SQOR: variants seen among roughly 807,000 people sequenced by gnomAD.
SQOR encodes sulfide quinone oxidoreductase, also known as sulfide:quinone oxidoreductase, mitochondrial.
In SQOR, 39 loss-of-function variants were observed where a neutral mutation model predicts 48.6. That is an observed-to-expected ratio of 0.80 (90% confidence interval 0.62 to 1.05). SQOR has a LOEUF of 1.05. SQOR is among the 50% of genes least tolerant of loss of function. The pLI is 0.00. For synonymous variants in SQOR, 220 were observed against 206.2 expected (o/e 1.07, Z -0.57); for missense variants, 561 against 559.9 (o/e 1.00, Z -0.02).
chr15:45,682,614 T>C lies in SQOR; in HGVS notation c.1001T>C (p.Ile334Thr), dbSNP rs1490998918. Residue 334 changes from isoleucine (I) to threonine (T), a missense_variant, in exon 7 of 10, where the codon ATT becomes ACT. Physicochemically the swap from Ile to Thr is moderately conservative, Grantham distance 89. Coordinates refer to ENST00000260324, the MANE Select transcript of SQOR (RefSeq NM_021199.4). ...AGGAGGTACCCAAATGTGTTTGGGA[T>C]TGGGGACTGCACCAACCTTCCTACG... ...QHRRYPNVFGIGDCTNLPTSK... is the reference protein window; with the variant it reads ...QHRRYPNVFGTGDCTNLPTSK... 7.4e-6 allele frequency: 12 copies of C among 1,614,026 alleles called. No homozygotes were observed. Among genetic ancestry groups the C allele is most frequent in the East Asian group, 2.2e-5 (1 of 44,898 alleles).
rs1487821764 is a variant in SQOR at position 45,669,933 on chromosome 15, C to T, written c.411C>T (p.Ser137=). The T allele has an allele frequency of 2.5e-6, 4 of 1,613,794 alleles. No homozygotes were observed. The highest frequency in any genetic ancestry group is 3.4e-6 in the Non-Finnish European group (4 of 1,179,818). ...AATGTCTTTTTGTGTTGCAGATCTC[C>T]TACCGATATCTTATTATTGCTCTCG... ...CIHTDDDEKI[S]YRYLIIALGI... The change falls in exon 4 of 10, where the codon TCC becomes TCT. Residue 137 remains serine, a synonymous_variant. Transcript: ENST00000260324.
chr15:45,689,950 C>T (rs1438582024), intron 9 of SQOR, among the ~76,000 whole-genome samples: 2 of 152,238 alleles, frequency 1.3e-5, no homozygotes, highest in South Asian at 2.1e-4. Context: ...TTAAATTTCT[C>T]ATCTGCAAAA....
intron 1 of SQOR, among the ~76,000 whole-genome samples, chr15:45,646,747 T>C (rs1200538523): frequency 6.6e-6 from 1 of 152,196 alleles, no homozygotes. Context: ...AATGCCCATA[T>C]ATATCCATCC....
intron 5 of SQOR, among the ~76,000 whole-genome samples, chr15:45,675,402 T>G (rs574592544): frequency 1.3e-5 from 2 of 151,754 alleles, no homozygotes; most frequent in South Asian, 2.1e-4. Context: ...TTTGTTTATT[T>G]TTTTTTTTTG....
chr15:45,641,713 CTCAT>C (rs1302616224), intron 1 of SQOR, among the ~76,000 whole-genome samples: 3 of 152,188 alleles, frequency 2.0e-5, no homozygotes, highest in African/African-American at 7.2e-5. Flanking sequence ...CGGAACAACA[CTCAT>C]TCAGTTTTCA....
At chr15:45,648,663 C>T (rs764527700) in intron 1 of SQOR, among the ~76,000 whole-genome samples, 34 of 152,210 alleles carry the variant, frequency 2.2e-4, no homozygotes, top group Non-Finnish European at 3.8e-4. Context: ...TCCACCTGGG[C>T]ACCAGGTGTA....
chr15:45,634,123 C>G (rs1286317237), upstream of SQOR, among the ~76,000 whole-genome samples: 1 of 146,794 alleles, frequency 6.8e-6, no homozygotes, highest in African/African-American at 2.5e-5. Context: ...TTGCAGTGAG[C>G]CGAGATTGCT....
intron 9 of SQOR, among the ~76,000 whole-genome samples, chr15:45,689,978 A>G (rs1001792700): frequency 2.6e-5 from 4 of 152,116 alleles, no homozygotes; most frequent in African/African-American, 9.7e-5. Context: ...AACATTGCCT[A>G]CCTCACAAGA....
chr15:45,661,142 C>A (rs901410849), intron 2 of SQOR, among the ~76,000 whole-genome samples: 2 of 151,764 alleles, frequency 1.3e-5, no homozygotes, highest in African/African-American at 4.8e-5. Flanking sequence ...ATTAGCCAGG[C>A]ATGGTGGCAC....
At chr15:45,668,956 A>G (rs1024800014) in intron 3 of SQOR, among the ~76,000 whole-genome samples, 5 of 152,022 alleles carry the variant, frequency 3.3e-5, no homozygotes, top group African/African-American at 1.2e-4. Flanking sequence ...TTTTCATCCC[A>G]TACAGGTCAT....
chr15:45,690,664 T>TCCTGA (rs10636126), intron 9 of SQOR, among the ~76,000 whole-genome samples: 30,297 of 152,032 alleles, frequency 0.2, 3,118 homozygotes, highest in Middle Eastern at 0.36. Context: ...GATTGCAAAA[T>TCCTGA]CCTACAGTTA....
intron 8 of SQOR, among the ~76,000 whole-genome samples, chr15:45,688,805 G>C (rs965885092): frequency 6.6e-6 from 1 of 151,992 alleles, no homozygotes; most frequent in Non-Finnish European, 1.5e-5. Flanking sequence ...GAGCCACCGC[G>C]CCTGGCCCAG....
At chr15:45,654,986 C>T (rs1438972595) in intron 1 of SQOR, among the ~76,000 whole-genome samples, 1 of 152,112 alleles carries the variant, frequency 6.6e-6, no homozygotes, top group Non-Finnish European at 1.5e-5. Flanking sequence ...ACATGGCTGA[C>T]AAAGCAAAGG....
intron 3 of SQOR, among the ~76,000 whole-genome samples, chr15:45,664,596 G>A (rs555350045): frequency 2.6e-5 from 4 of 152,206 alleles, no homozygotes; most frequent in Middle Eastern, 3.4e-3. Flanking sequence ...CCAGAATAGC[G>A]TGGAGCCATT....
chr15:45,683,089 T>C (rs1293647996), intron 7 of SQOR, among the ~76,000 whole-genome samples: 1 of 151,408 alleles, frequency 6.6e-6, no homozygotes, highest in Non-Finnish European at 1.5e-5. Flanking sequence ...CAGTGTCATA[T>C]ACAGCAAAAA....
intron 1 of SQOR, among the ~76,000 whole-genome samples, chr15:45,655,917 C>T (rs533830031): frequency 1.3e-5 from 2 of 151,832 alleles, no homozygotes; most frequent in South Asian, 4.2e-4. Context: ...GATCTCCTGA[C>T]CTTGTGATCC....
chr15:45,653,811 CAG>C (rs1226497496), intron 1 of SQOR, among the ~76,000 whole-genome samples: 1 of 152,110 alleles, frequency 6.6e-6, no homozygotes, highest in Non-Finnish European at 1.5e-5. Flanking sequence ...GGAACAAAGA[CAG>C]AATATGTTTT....
intron 7 of SQOR, among the ~76,000 whole-genome samples, chr15:45,683,498 G>A (rs2063703208): frequency 1.3e-5 from 2 of 152,182 alleles, no homozygotes; most frequent in Non-Finnish European, 1.5e-5. Context: ...GGGGAGAATT[G>A]CCTTTTAGAT....
chr15:45,655,451 G>T (rs534196827), intron 1 of SQOR, among the ~76,000 whole-genome samples: 1 of 152,074 alleles, frequency 6.6e-6, no homozygotes, highest in African/African-American at 2.4e-5. Flanking sequence ...TCTTCCTTCC[G>T]TATGAAACAT....
Sources: allele counts gnomAD v4.1 joint callset (sites outside exome capture counted in the v4.1 genomes callset), GRCh38; gene constraint gnomAD v4.1.1; transcripts MANE v1.5; gene names NCBI Gene and HGNC (gene_info 2026-07-23, HGNC 2026-07-21).